Variants in PRDM14 observed in about 807,000 individuals in gnomAD.
PRDM14 encodes PR/SET domain 14, also known as PR domain zinc finger protein 14.
In PRDM14, 16 loss-of-function variants were observed where a neutral mutation model predicts 48.0. That is an observed-to-expected ratio of 0.33 (90% CI 0.23 to 0.51). The LOEUF is 0.51. PRDM14 is among the 20% of genes least tolerant of loss of function. The probability of loss-of-function intolerance (pLI) is 0.97; values close to 1 mark genes in which losing one functional copy is unlikely to be tolerated. For synonymous variants in PRDM14, 264 were observed against 276.6 expected (o/e 0.95, Z 0.45); for missense variants, 566 against 719.6 (o/e 0.79, Z 2.44).
At chr8:70,058,009 G>T (rs1256207915) in intron 6 of PRDM14, among the ~76,000 whole-genome samples, 3 of 152,300 alleles carry the variant, frequency 2.0e-5, no homozygotes, top group Non-Finnish European at 4.4e-5. Flanking sequence ...CTGTGCCCAA[G>T]CCTCGTCCTC....
chr8:70,064,109 A>G (rs1454346944), intron 5 of PRDM14, among the ~76,000 whole-genome samples: 1 of 152,078 alleles, frequency 6.6e-6, no homozygotes, highest in Non-Finnish European at 1.5e-5. Flanking sequence ...GGCGGGGGGA[A>G]CCCAGCATGG....
chr8:70,064,847 T>G (rs938611877), intron 5 of PRDM14, among the ~76,000 whole-genome samples: 6 of 150,988 alleles, frequency 4.0e-5, no homozygotes, highest in African/African-American at 1.2e-4. Flanking sequence ...AACCTGCTCC[T>G]TACACATTTA....
At chr8:70,070,937 G>T (rs554244605) in intron 1 of PRDM14, among the ~76,000 whole-genome samples, 4 of 152,294 alleles carry the variant, frequency 2.6e-5, no homozygotes, top group African/African-American at 9.6e-5. Flanking sequence ...GGTCAGCCAC[G>T]ACACAGGCAG....
chr8:70,069,380 G>C lies in PRDM14; in HGVS notation c.481C>G (p.Pro161Ala). 6.2e-7 allele frequency: 1 copy of C among 1,611,746 alleles called. No homozygotes were observed. The highest frequency in any genetic ancestry group is 2.2e-5 in the East Asian group (1 of 44,832). Residue 161 changes from proline to alanine, a missense_variant, in exon 2 of 8, where the codon CCT (proline) becomes GCT (alanine). By Grantham distance (27) the Pro-to-Ala change is conservative. Coordinates refer to ENST00000276594, the MANE Select transcript of PRDM14 (RefSeq NM_024504.4). ...PPPPADASLL[P>A]EGLRTSQLLP... is the part of the protein sequence containing the mutation. ...AACTGGGAGGTCCTCAGCCCCTCAG[G>C]TAACAGAGAAGCATCCGCAGGGGGC...
chr8:70,070,954 G>A (rs1429407644), intron 1 of PRDM14, among the ~76,000 whole-genome samples, 196 bp downstream of exon 1: 2 of 152,142 alleles, frequency 1.3e-5, no homozygotes, highest in African/African-American at 4.8e-5. Context: ...GCAGCGGCCC[G>A]TCTCCTCCCG....
At chr8:70,062,427 G>A (rs1279484419) in intron 5 of PRDM14, among the ~76,000 whole-genome samples, 1 of 152,088 alleles carries the variant, frequency 6.6e-6, no homozygotes, top group African/African-American at 2.4e-5. Flanking sequence ...GAGGTATCTT[G>A]GGGATGGAAC....
intron 5 of PRDM14, among the ~76,000 whole-genome samples, chr8:70,060,462 C>T (rs1805559146): frequency 1.3e-5 from 2 of 151,490 alleles, no homozygotes; most frequent in African/African-American, 2.4e-5. Context: ...ACGATTAACT[C>T]TTATTCTTTT....
chr8:70,069,700 C>G lies in PRDM14; in HGVS notation c.161G>C (p.Arg54Pro), dbSNP rs138348268. The change falls in exon 2 of 8, where the codon CGG becomes CCG. Residue 54 changes from arginine (R) to proline (P), a missense_variant. Physicochemically the swap from Arg to Pro is moderately radical, Grantham distance 103. This residue lies in a region of PRDM14 where 410 missense variants were observed against 424.6 expected (regional missense o/e 0.97). Coordinates refer to ENST00000276594, the MANE Select transcript of PRDM14 (RefSeq NM_024504.4). The stretch of plus-strand genomic sequence containing the variant: ...AGCAGACGCTGCGGCCTCCAGCTGC[C>G]GGAAAGGTTGGAAGTCTTCCTCCAC... Reference protein sequence around the residue: ...ATVEEDFQPFRQLEAAASAAP... With the variant: ...ATVEEDFQPFPQLEAAASAAP... The G allele has an allele frequency of 7.0e-6, 11 of 1,561,694 alleles. No individual in the cohort carries two copies. The highest frequency in any genetic ancestry group is 1.9e-5 in the Admixed American group (1 of 52,154).
Position 70,052,044 on chromosome 8 carries a change from G to A in PRDM14, c.*33C>T. 6.8e-7 allele frequency: 1 copy of A among 1,480,038 alleles called. No homozygotes were observed. Among genetic ancestry groups the A allele is most frequent in the Non-Finnish European group, 9.3e-7 (1 of 1,074,962 alleles). The allele number at this position is 1,480,038 out of a possible 1,614,324, so 91.7% of individuals were successfully genotyped here. ...CCACCTCTGCCTCCCAAAGTGCTGG[G>A]ATTACAGGCGTGAGTCATTGTGCCT... On this transcript the variant is annotated 3_prime_UTR_variant, in exon 8 of 8. Coordinates refer to ENST00000276594, the MANE Select transcript of PRDM14 (RefSeq NM_024504.4).
intron 1 of PRDM14, 53 bp from the exon 2 acceptor site, chr8:70,069,937 C>T (rs1805739842): frequency 8.9e-7 from 1 of 1,127,974 alleles, no homozygotes; most frequent in Non-Finnish European, 1.2e-6. Flanking sequence ...TCCCGGGGTC[C>T]GACCCGCGCC....
chr8:70,069,202 T>C lies in PRDM14; in HGVS notation c.659A>G (p.His220Arg). The C allele has an allele frequency of 1.9e-6, 3 of 1,559,742 alleles. No individual in the cohort carries two copies. Among genetic ancestry groups the C allele is most frequent in the Non-Finnish European group, 2.6e-6 (3 of 1,152,294 alleles). The change falls in exon 2 of 8, where the codon CAC becomes CGC. Residue 220 changes from histidine (H) to arginine (R), a missense_variant. His to Arg is a conservative substitution (Grantham distance 29, BLOSUM62 0). This residue lies in a region of PRDM14 where 410 missense variants were observed against 424.6 expected (regional missense o/e 0.97). Transcript: ENST00000276594. ...GACCAGGAGGCCTGAAATCGCATGGTGCAGGCTGGCTGGGTGCTCCAGGCT... is the reference window on the plus strand; with the variant it reads ...GACCAGGAGGCCTGAAATCGCATGGCGCAGGCTGGCTGGGTGCTCCAGGCT... ...TPSLEHPASLHHAISGLLVPP... is the reference protein window; with the variant it reads ...TPSLEHPASLRHAISGLLVPP...
chr8:70,057,243 G>T (rs1482361449), intron 6 of PRDM14, among the ~76,000 whole-genome samples: 1 of 152,010 alleles, frequency 6.6e-6, no homozygotes, highest in Non-Finnish European at 1.5e-5. Flanking sequence ...GGGATTAGGC[G>T]TGAGCCACCA....
At chr8:70,058,879 C>A (rs751323457) in intron 5 of PRDM14, 37 bp from the exon 6 acceptor site, 4 of 1,487,776 alleles carry the variant, frequency 2.7e-6, no homozygotes, top group Non-Finnish European at 3.7e-6. Context: ...TCTTCAGTTA[C>A]TTCCCTCCCT....
intron 5 of PRDM14, among the ~76,000 whole-genome samples, chr8:70,065,401 C>A (rs1420375520): frequency 6.6e-6 from 1 of 152,136 alleles, no homozygotes; most frequent in Non-Finnish European, 1.5e-5. Flanking sequence ...ACTTGGAGAG[C>A]TTATTTAACA....
chr8:70,069,475 A>G lies in PRDM14; in HGVS notation c.386T>C (p.Leu129Pro). ...GTCGCCACCAATGATTTGGTGGCCC[A>G]GATCTTCACTGCTGGCACCCGCGTA... ...HEYAGASSED[L>P]GHQIIGGDNE... Residue 129 changes from leucine (L) to proline (P), a missense_variant, in exon 2 of 8, where the codon CTG becomes CCG. By Grantham distance (98) the Leu-to-Pro change is moderately conservative. Transcript: ENST00000276594. 1 of 1,581,494 alleles carries G rather than the reference A, an allele frequency of 6.3e-7. No homozygotes were observed. Among genetic ancestry groups the G allele is most frequent in the Non-Finnish European group, 8.6e-7 (1 of 1,161,800 alleles).
intron 5 of PRDM14, among the ~76,000 whole-genome samples, chr8:70,063,805 G>C (rs1034552399): frequency 1.3e-5 from 2 of 152,194 alleles, no homozygotes; most frequent in African/African-American, 4.8e-5. Context: ...TTACAGGTGT[G>C]AGCCACCACG....
At chr8:70,055,175 G>A (rs1234466355) in intron 7 of PRDM14, 125 bp downstream of exon 7, 4 of 554,720 alleles carry the variant, frequency 7.2e-6, no homozygotes, top group Non-Finnish European at 6.5e-6. Context: ...GTGGAAATGA[G>A]GACTGGGCTG....
chr8:70,068,220 AC>A lies in PRDM14; in HGVS notation c.912+9del, dbSNP rs1166629248. 3.7e-6 allele frequency: 6 copies of A among 1,614,064 alleles called. No individual in the cohort carries two copies. Among genetic ancestry groups the A allele is most frequent in the Non-Finnish European group, 5.1e-6 (6 of 1,179,936 alleles). ...ATTTTCAGCAGCAGACCCACCAGAA[AC>A]AGATTTACCTCCCACATCACAGAAT... On this transcript the variant is annotated intron_variant, in intron 4 of 7. Transcript: ENST00000276594.
At chr8:70,064,397 CTAA>C (rs1421002481) in intron 5 of PRDM14, among the ~76,000 whole-genome samples, 4 of 151,890 alleles carry the variant, frequency 2.6e-5, no homozygotes, top group Non-Finnish European at 1.5e-5. Context: ...TAGCTTAGTT[CTAA>C]TGTCTTCCTC....
Sources: allele counts gnomAD v4.1 joint callset (sites outside exome capture counted in the v4.1 genomes callset), GRCh38; gene constraint gnomAD v4.1.1; regional missense constraint gnomAD v4.1.1; transcripts MANE v1.5; gene names NCBI Gene and HGNC (gene_info 2026-07-23, HGNC 2026-07-21).